Variants in SLC24A4 observed in about 807,000 individuals in gnomAD.
SLC24A4 encodes the protein sodium/potassium/calcium exchanger 4.
A neutral mutation model predicts 79.0 loss-of-function variants in SLC24A4; 53 were observed. The ratio of observed to expected loss-of-function variants is 0.67; its 90% CI spans 0.54 to 0.84. SLC24A4 has a LOEUF of 0.84. Among genes scored for constraint, SLC24A4 ranks in the 40% least tolerant of loss-of-function variants. The pLI is 0.00. For missense variants in SLC24A4, 731 were observed against 822.0 expected (o/e 0.89, Z 1.35); for synonymous variants, 323 against 323.8 (o/e 1.00, Z 0.03).
At position 92,491,654 on chromosome 14, in the gene SLC24A4, G is replaced by T; in HGVS notation, c.1538-11G>T. On this transcript the variant is annotated splice_polypyrimidine_tract_variant and intron_variant, in intron 14 of 16. Transcript: ENST00000532405. ...GCTCTTATAAAATAAATGTGTTGTT[G>T]TCCCCTGCAGGCCTTGGGGACATGG... 1 of 1,584,252 alleles carries T rather than the reference G, an allele frequency of 6.3e-7. No homozygotes were observed. Among genetic ancestry groups the T allele is most frequent in the South Asian group, 1.1e-5 (1 of 90,396 alleles).
rs1220396170 is a variant in SLC24A4, at chr14:92,398,832, T to C, written c.242-35080T>C. Among the ~76,000 whole-genome samples, 1 of 152,204 alleles carries C rather than the reference T, an allele frequency of 6.6e-6. No homozygotes were observed. Among genetic ancestry groups the C allele is most frequent in the Non-Finnish European group, 1.5e-5 (1 of 68,040 alleles). ...GGAGTCTCTACAGAAGGGACATTCG[T>C]CTTCCCTTTGGGGTGGCACCCTTCC... On this transcript the variant is annotated intron_variant, in intron 2 of 16. Coordinates refer to ENST00000532405, the MANE Select transcript of SLC24A4 (RefSeq NM_153646.4). This position sits in a 1 kb window ranked among gnomAD's most constrained non-coding sequence, Gnocchi z 4.1.
chr14:92,401,954 A>G (rs925518803), intron 2 of SLC24A4, among the ~76,000 whole-genome samples: 1 of 152,188 alleles, frequency 6.6e-6, no homozygotes, highest in Non-Finnish European at 1.5e-5. Context: ...CAATGTCAGT[A>G]AGAGTAAAAG....
chr14:92,369,615 A>C (rs959026382), intron 2 of SLC24A4, among the ~76,000 whole-genome samples: 2 of 152,234 alleles, frequency 1.3e-5, no homozygotes, highest in Non-Finnish European at 2.9e-5. Flanking sequence ...ATAATGTTGA[A>C]TCAAGAATAA....
chr14:92,345,058 G>C (rs985079247), intron 2 of SLC24A4, among the ~76,000 whole-genome samples: 1 of 152,188 alleles, frequency 6.6e-6, no homozygotes, highest in Non-Finnish European at 1.5e-5. Context: ...CTGAGGGGCA[G>C]ATAGAGTGCA....
At chr14:92,415,167 G>C (rs1880325466) in intron 2 of SLC24A4, among the ~76,000 whole-genome samples, 1 of 152,190 alleles carries the variant, frequency 6.6e-6, no homozygotes. Flanking sequence ...GGCTGGACTT[G>C]TTCTTTTCCA....
rs541835532 is a variant in SLC24A4 at position 92,457,925 on chromosome 14, C to T, written c.1255+1317C>T. 1.9e-4 allele frequency among the ~76,000 whole-genome samples: 29 copies of T among 152,358 alleles called. No homozygotes were observed. The East Asian group carries it at 4.1e-3, about 21-fold the overall frequency. On this transcript the variant is annotated intron_variant, in intron 12 of 16. Coordinates refer to ENST00000532405, the MANE Select transcript of SLC24A4 (RefSeq NM_153646.4). ...CCATCTTGATGGGAACACCTGCCTG[C>T]GGTAGGTGGCGTGGGCCTGGCAGGC...
At chr14:92,426,356 A>G (rs562578796) in intron 2 of SLC24A4, among the ~76,000 whole-genome samples, 47 of 152,230 alleles carry the variant, frequency 3.1e-4, no homozygotes, top group African/African-American at 1.1e-3. Flanking sequence ...AGAGACGGGG[A>G]GAAGTACCAG....
chr14:92,479,606 GC>G (rs1373915088), intron 12 of SLC24A4, among the ~76,000 whole-genome samples: 5 of 152,196 alleles, frequency 3.3e-5, no homozygotes, highest in Admixed American at 3.3e-4. Context: ...ATTCCAGTTT[GC>G]TAGAATTTTG....
chr14:92,340,295 G>A (rs1173709656), intron 2 of SLC24A4, among the ~76,000 whole-genome samples: 1 of 152,234 alleles, frequency 6.6e-6, no homozygotes, highest in Non-Finnish European at 1.5e-5. Context: ...TAGAGAATGA[G>A]GTAAACTCGT....
At chr14:92,391,998 C>T (rs1404035971) in intron 2 of SLC24A4, among the ~76,000 whole-genome samples, 1 of 152,174 alleles carries the variant, frequency 6.6e-6, no homozygotes, top group African/African-American at 2.4e-5. Flanking sequence ...CCTCCTCCCC[C>T]CACCACTTCC....
At chr14:92,381,157 A>C (rs1041797311) in intron 2 of SLC24A4, among the ~76,000 whole-genome samples, 25 of 152,238 alleles carry the variant, frequency 1.6e-4, no homozygotes, top group African/African-American at 5.8e-4. Context: ...CACTATTTAC[A>C]ATAGCAAAGA....
At chr14:92,355,087 A>AAAC (rs1157887703) in intron 2 of SLC24A4, among the ~76,000 whole-genome samples, 36 of 152,200 alleles carry the variant, frequency 2.4e-4, no homozygotes, top group Non-Finnish European at 4.0e-4. Context: ...AAAACAAAAC[A>AAAC]AACAACAACA....
intron 2 of SLC24A4, among the ~76,000 whole-genome samples, chr14:92,358,161 G>A (rs1887285684): frequency 6.6e-6 from 1 of 152,148 alleles, no homozygotes; most frequent in Non-Finnish European, 1.5e-5. Context: ...CTACCTAGAG[G>A]GGACACAAAG....
At chr14:92,342,363 CATTTATTTATTTATTT>C (rs10664923) in intron 2 of SLC24A4, among the ~76,000 whole-genome samples, 2 of 137,848 alleles carry the variant, frequency 1.5e-5, no homozygotes, top group African/African-American at 5.5e-5. Flanking sequence ...TTTTTTTCCC[CATTTATTTATTTATTT>C]ATTTATTTAT....
chr14:92,387,814 G>C lies in SLC24A4; in HGVS notation c.242-46098G>C, dbSNP rs78187000. ...AAAGAAGTGGACTCAGACAATATTT[G>C]TTCTTTTGTGACCAGCGTATTTCAC... On this transcript the variant is annotated intron_variant, in intron 2 of 16. Transcript: ENST00000532405. 2.0e-5 allele frequency among the ~76,000 whole-genome samples: 3 copies of C among 152,214 alleles called. No homozygotes were observed. In the East Asian group the frequency reaches 5.8e-4, roughly 29 times the overall value.
rs1198138617 is a variant in SLC24A4, at chr14:92,501,275, G to C, written c.*7647G>C. On this transcript the variant is annotated 3_prime_UTR_variant, in exon 17 of 17. Coordinates refer to ENST00000532405, the MANE Select transcript of SLC24A4 (RefSeq NM_153646.4). ...ACCTCCTGCACTGTGAATGCTCTGT[G>C]ACATGAGATTCTTAGTTTAATAAAA... 2.6e-5 allele frequency: 4 copies of C among 152,112 alleles called. No individual in the cohort carries two copies. The highest frequency in any genetic ancestry group is 2.0e-4 in the Admixed American group (3 of 15,264). 9.4% of individuals were successfully genotyped at this position (152,112 alleles called of 1,614,324 possible).
rs575496022 is a variant in SLC24A4 at position 92,459,266 on chromosome 14, C to T, written c.1255+2658C>T. ...GACCCCGGACCAGCCACGCCTTCGC[C>T]TTGTCCTTGTACTGGGAGCTGCTGT... On this transcript the variant is annotated intron_variant, in intron 12 of 16. Transcript: ENST00000532405. 1.4e-4 allele frequency among the ~76,000 whole-genome samples: 22 copies of T among 152,354 alleles called. No homozygotes were observed. In the South Asian group the frequency reaches 4.4e-3, roughly 30 times the overall value.
chr14:92,402,303 G>A (rs189992910), intron 2 of SLC24A4, among the ~76,000 whole-genome samples: 1 of 152,094 alleles, frequency 6.6e-6, no homozygotes, highest in African/African-American at 2.4e-5. Flanking sequence ...AATTGTGATT[G>A]TCCTGAAATA....
Position 92,496,630 on chromosome 14 carries a change from G to A in SLC24A4, c.*3002G>A, listed in dbSNP as rs1895932455. 1 of 152,108 alleles carries A rather than the reference G, an allele frequency of 6.6e-6. No homozygotes were observed. The allele number at this position is 152,108 out of a possible 1,614,324, so 9.4% of individuals were successfully genotyped here. ...GTATCTTGAAAACCTGGCCCTGGAGGAAGGTTCTGGGTCAGCTGCAATGAG... is the reference window on the plus strand; with the variant it reads ...GTATCTTGAAAACCTGGCCCTGGAGAAAGGTTCTGGGTCAGCTGCAATGAG... On this transcript the variant is annotated 3_prime_UTR_variant, in exon 17 of 17. Coordinates refer to ENST00000532405, the MANE Select transcript of SLC24A4 (RefSeq NM_153646.4).
Sources: allele counts gnomAD v4.1 joint callset (sites outside exome capture counted in the v4.1 genomes callset), GRCh38; gene constraint gnomAD v4.1.1; non-coding constraint Gnocchi (gnomAD v3.1); transcripts MANE v1.5; gene names NCBI Gene and HGNC (gene_info 2026-07-23, HGNC 2026-07-21).